The following ADAMTS14 variants were observed in gnomAD, a reference collection of about 807,000 sequenced individuals.
ADAMTS14 encodes the protein A disintegrin and metalloproteinase with thrombospondin motifs 14.
Under a neutral mutation model 128.6 loss-of-function variants are expected in ADAMTS14, and 100 were observed. The observed-to-expected ratio is 0.78, with a 90% confidence interval of 0.66 to 0.92. The LOEUF is 0.92. Ranked by LOEUF, ADAMTS14 falls within the 40% of genes least tolerant of loss-of-function variation. The pLI is 0.00. For synonymous variants in ADAMTS14, 665 were observed against 653.8 expected (o/e 1.02, Z -0.26); for missense variants, 1,562 against 1,658.6 (o/e 0.94, Z 1.01).
At position 70,677,713 on chromosome 10, in the gene ADAMTS14, T is replaced by C. The variant is rs377474839; in HGVS notation, c.522+2718T>C. ...CCTCCCCTCCAGGCCCTGGGAGTGGTACTCCCTGACTGCCTTCCACTGGGG... is the reference window on the plus strand; with the variant it reads ...CCTCCCCTCCAGGCCCTGGGAGTGGCACTCCCTGACTGCCTTCCACTGGGG... On this transcript the variant is annotated intron_variant, in intron 2 of 21. Coordinates refer to ENST00000373207, the MANE Select transcript of ADAMTS14 (RefSeq NM_080722.4). 3.6e-4 allele frequency among the ~76,000 whole-genome samples: 55 copies of C among 152,232 alleles called. No individual in the cohort carries two copies. In the South Asian group the frequency reaches 0.011, roughly 29 times the overall value.
intron 15 of ADAMTS14, among the ~76,000 whole-genome samples, chr10:70,746,601 A>G (rs558612276): frequency 6.6e-6 from 1 of 152,322 alleles, no homozygotes; most frequent in East Asian, 1.9e-4. Flanking sequence ...TGAGCTCAGA[A>G]GTTTGAGATC....
intron 7 of ADAMTS14, 113 bp from the exon 8 acceptor site, chr10:70,733,772 G>C: frequency 7.4e-7 from 1 of 1,351,910 alleles, no homozygotes; most frequent in Non-Finnish European, 1.0e-6. Flanking sequence ...CAGGAAGAGC[G>C]ATCTGAGCTC....
Position 70,760,956 on chromosome 10 carries a change from C to T in ADAMTS14, c.*103C>T, listed in dbSNP as rs1842600010. 1.4e-6 allele frequency: 2 copies of T among 1,395,146 alleles called. No homozygotes were observed. Among genetic ancestry groups the T allele is most frequent in the African/African-American group, 1.4e-5 (1 of 69,160 alleles). The allele number at this position is 1,395,146 out of a possible 1,614,324, so 86.4% of individuals were successfully genotyped here. On this transcript the variant is annotated 3_prime_UTR_variant, in exon 22 of 22. Coordinates refer to ENST00000373207, the MANE Select transcript of ADAMTS14 (RefSeq NM_080722.4). The stretch of plus-strand genomic sequence containing the variant: ...GCAGGGCAGGCGCAAGCACAGACTT[C>T]ATTTTAAATCATTCGCCTTCTTCTC...
At chr10:70,741,324 T>G (rs1365776668) in intron 12 of ADAMTS14, among the ~76,000 whole-genome samples, 162 bp downstream of exon 12, 1 of 152,192 alleles carries the variant, frequency 6.6e-6, no homozygotes, top group Non-Finnish European at 1.5e-5. Flanking sequence ...CATATACCCT[T>G]TTGTAGGCCT....
At chr10:70,682,125 T>G (rs998007921) in intron 2 of ADAMTS14, among the ~76,000 whole-genome samples, 2 of 152,222 alleles carry the variant, frequency 1.3e-5, no homozygotes, top group Non-Finnish European at 2.9e-5. Context: ...GTGCATTTCC[T>G]GGAGCATTGA....
intron 2 of ADAMTS14, among the ~76,000 whole-genome samples, chr10:70,696,140 A>G (rs1840326371): frequency 6.6e-6 from 1 of 152,124 alleles, no homozygotes; most frequent in African/African-American, 2.4e-5. Context: ...GTGTGCTTGG[A>G]TGCAGATAGG....
chr10:70,694,132 T>C (rs572737785), intron 2 of ADAMTS14, among the ~76,000 whole-genome samples: 2 of 152,354 alleles, frequency 1.3e-5, no homozygotes, highest in East Asian at 3.9e-4. Flanking sequence ...CAGGTTTGAA[T>C]TAGATGAAAT....
At position 70,713,134 on chromosome 10, in the gene ADAMTS14, G is replaced by A. The variant is rs200681870; in HGVS notation, c.870+4356G>A. 7.2e-5 allele frequency among the ~76,000 whole-genome samples: 11 copies of A among 152,286 alleles called. No homozygotes were observed. The East Asian group carries it at 2.1e-3, about 29-fold the overall frequency. On this transcript the variant is annotated intron_variant, in intron 4 of 21. Coordinates refer to ENST00000373207, the MANE Select transcript of ADAMTS14 (RefSeq NM_080722.4). Reference sequence around the variant, plus strand: ...GAGAAACTCTTTCAGAGGTACCCTGGGGGACCTCCATGAATTCTGTTGCTT... The same window carrying A: ...GAGAAACTCTTTCAGAGGTACCCTGAGGGACCTCCATGAATTCTGTTGCTT...
intron 1 of ADAMTS14, 70 bp downstream of exon 1, chr10:70,672,954 G>T (rs1839527119): frequency 1.5e-6 from 2 of 1,369,908 alleles, no homozygotes; most frequent in Non-Finnish European, 1.9e-6. Flanking sequence ...GCCCAAGGTT[G>T]CCCCAGCCAC....
intron 16 of ADAMTS14, among the ~76,000 whole-genome samples, chr10:70,750,877 A>G (rs1205931329): frequency 6.6e-6 from 1 of 152,204 alleles, no homozygotes; most frequent in Non-Finnish European, 1.5e-5. Flanking sequence ...TAGATATAAG[A>G]GCTTAAACCA....
At chr10:70,675,477 G>A (rs185398279) in intron 2 of ADAMTS14, among the ~76,000 whole-genome samples, 21 of 152,318 alleles carry the variant, frequency 1.4e-4, no homozygotes, top group African/African-American at 5.1e-4. Flanking sequence ...GCAGTGCACT[G>A]GGGGCTGTCC....
chr10:70,703,362 G>A (rs1430687183), intron 3 of ADAMTS14, among the ~76,000 whole-genome samples: 3 of 152,248 alleles, frequency 2.0e-5, no homozygotes, highest in South Asian at 2.1e-4. Context: ...TGACTGGACC[G>A]CATCCTTGTG....
At chr10:70,701,443 C>T (rs547939076) in intron 2 of ADAMTS14, among the ~76,000 whole-genome samples, 5 of 152,214 alleles carry the variant, frequency 3.3e-5, no homozygotes, top group African/African-American at 1.2e-4. Flanking sequence ...CCATCCACCA[C>T]GGTAGGTGGG....
At chr10:70,712,736 G>A (rs1252181947) in intron 4 of ADAMTS14, among the ~76,000 whole-genome samples, 3 of 152,184 alleles carry the variant, frequency 2.0e-5, no homozygotes, top group African/African-American at 2.4e-5. Flanking sequence ...CGATAAGGGG[G>A]AAAGACACGC....
intron 1 of ADAMTS14, among the ~76,000 whole-genome samples, chr10:70,673,164 T>A (rs888604106): frequency 6.6e-6 from 1 of 152,202 alleles, no homozygotes; most frequent in East Asian, 1.9e-4. Flanking sequence ...TCTCTCTGTG[T>A]TTCTTCTTTC....
intron 2 of ADAMTS14, 110 bp downstream of exon 2, chr10:70,675,105 G>A (rs1392951840): frequency 3.0e-6 from 4 of 1,335,614 alleles, no homozygotes; most frequent in Non-Finnish European, 4.1e-6. Flanking sequence ...GGCAGGGGTG[G>A]TGCTGCCTTC....
At chr10:70,675,782 T>C (rs1220588442) in intron 2 of ADAMTS14, among the ~76,000 whole-genome samples, 1 of 152,166 alleles carries the variant, frequency 6.6e-6, no homozygotes, top group Non-Finnish European at 1.5e-5. Flanking sequence ...TCCTCCTCAG[T>C]GTGCAGGCCC....
At chr10:70,736,325 C>T (rs2132690635) in intron 9 of ADAMTS14, among the ~76,000 whole-genome samples, 1 of 152,206 alleles carries the variant, frequency 6.6e-6, no homozygotes, top group East Asian at 1.9e-4. Context: ...CCCATGTGCA[C>T]AGGGCTCAGG....
chr10:70,758,295 G>C lies in ADAMTS14; in HGVS notation c.3178+10G>C. 1 of 1,611,916 alleles carries C rather than the reference G, an allele frequency of 6.2e-7. No individual in the cohort carries two copies. Among genetic ancestry groups the C allele is most frequent in the Non-Finnish European group, 8.5e-7 (1 of 1,178,538 alleles). Reference sequence around the variant, plus strand: ...AACAAGATATCATCAAGTAAGTACAGTCTATGGACCCTACCCTGCTCCCCA... The same window carrying C: ...AACAAGATATCATCAAGTAAGTACACTCTATGGACCCTACCCTGCTCCCCA... On this transcript the variant is annotated intron_variant, in intron 21 of 21. Coordinates refer to ENST00000373207, the MANE Select transcript of ADAMTS14 (RefSeq NM_080722.4).
Sources: allele counts gnomAD v4.1 joint callset (sites outside exome capture counted in the v4.1 genomes callset), GRCh38; gene constraint gnomAD v4.1.1; transcripts MANE v1.5; gene names NCBI Gene and HGNC (gene_info 2026-07-23, HGNC 2026-07-21).